TSC1: variants seen among roughly 807,000 people sequenced by gnomAD.
TSC1 encodes the protein hamartin.
Under a neutral mutation model 124.3 loss-of-function variants are expected in TSC1, and 20 were observed. The ratio of observed to expected loss-of-function variants is 0.16; its 90% CI spans 0.11 to 0.23. The LOEUF (loss-of-function observed/expected upper bound fraction) is 0.23. TSC1 is among the 10% of genes least tolerant of loss of function. The probability of loss-of-function intolerance (pLI) is 1.00; values close to 1 mark genes in which losing one functional copy is unlikely to be tolerated. For missense variants in TSC1, 1,124 were observed against 1,448.5 expected (o/e 0.78, Z 3.64); for synonymous variants, 493 against 539.1 (o/e 0.91, Z 1.19).
chr9:132,939,730 T>C (rs1847641108), intron 1 of TSC1, among the ~76,000 whole-genome samples: 1 of 152,220 alleles, frequency 6.6e-6, no homozygotes, highest in Non-Finnish European at 1.5e-5. Flanking sequence ...GAGATATCTT[T>C]AGGTTTCAGG....
At position 132,912,349 on chromosome 9, in the gene TSC1, TGAG is replaced by T; in HGVS notation, c.843_845del (p.Ser282del). The T allele has an allele frequency of 6.2e-7, 1 of 1,614,164 alleles. No homozygotes were observed. Among genetic ancestry groups the T allele is most frequent in the Non-Finnish European group, 8.5e-7 (1 of 1,180,026 alleles). On this transcript the variant is annotated inframe_deletion, in exon 9 of 23. Transcript: ENST00000298552. ...CGGCTGAACGATGAGGAAAGCGGGC[TGAG>T]ATTTGGTGAGACACAGAATAGCCAT...
In TSC1 at chr9:132,895,953, GA is replaced by G. The variant is rs1564468891; in HGVS notation, c.*281del. The G allele has an allele frequency of 7.9e-6, 4 of 505,142 alleles. No individual in the cohort carries two copies. The highest frequency in any genetic ancestry group is 1.4e-5 in the Non-Finnish European group (4 of 277,590). 31.3% of individuals were successfully genotyped at this position (505,142 alleles called of 1,614,324 possible). The stretch of plus-strand genomic sequence containing the variant: ...CGCAACCATTTGGGGGGGAAAGGAA[GA>G]AAGTAAAGCTACTGAGGAACACCAA... On this transcript the variant is annotated 3_prime_UTR_variant, in exon 23 of 23. Transcript: ENST00000298552.
rs2131761582 is a variant in TSC1 at position 132,903,701 on chromosome 9, G to A, written c.2158C>T (p.Leu720Phe). The A allele has an allele frequency of 6.2e-7, 1 of 1,613,012 alleles. No homozygotes were observed. Among genetic ancestry groups the A allele is most frequent in the Non-Finnish European group, 8.5e-7 (1 of 1,180,026 alleles). The change falls in exon 17 of 23, where the codon CTC becomes TTC. Residue 720 changes from leucine (L) to phenylalanine (F), a missense_variant. Leu to Phe is a conservative substitution (Grantham distance 22, BLOSUM62 0). This residue lies in a region of TSC1 where 321 missense variants were observed against 397.4 expected (regional missense o/e 0.81). Transcript: ENST00000298552. This position sits in a 1 kb window ranked among gnomAD's most constrained non-coding sequence, Gnocchi z 5.9. ...QQHALRNRRL[L>F]RKVIKAAALE... Reference sequence around the variant, plus strand: ...GCTGCTGCTTTGATCACCTTGCGGAGGAGCCGCCTGTTCCGGAGGGCATGC... The same window carrying A: ...GCTGCTGCTTTGATCACCTTGCGGAAGAGCCGCCTGTTCCGGAGGGCATGC...
At chr9:132,910,301 CAAAA>C (rs10712193) in intron 12 of TSC1, 4,207 of 468,256 alleles carry the variant, frequency 9.0e-3, no homozygotes, top group South Asian at 0.012. Context: ...ACCCTGTCTC[CAAAA>C]AAAAAAAAAA....
chr9:132,906,383 A>G lies in TSC1; in HGVS notation c.1439-244T>C. ...CAACATAGGGAGATCCCATCTCTAC[A>G]AAAAATACAATAAAAATCAGCTGAG... On this transcript the variant is annotated intron_variant, in intron 14 of 22. Transcript: ENST00000298552. The surrounding 1 kb of genome is among the most constrained non-coding windows in gnomAD (Gnocchi z 4.1). The G allele has an allele frequency of 1.7e-6, 1 of 571,490 alleles. No individual in the cohort carries two copies. Among genetic ancestry groups the G allele is most frequent in the Non-Finnish European group, 3.1e-6 (1 of 321,458 alleles). 35.4% of individuals were successfully genotyped at this position (571,490 alleles called of 1,614,324 possible).
chr9:132,901,773 C>G, intron 18 of TSC1, 74 bp from the exon 19 acceptor site: 1 of 1,348,736 alleles, frequency 7.4e-7, no homozygotes, highest in Non-Finnish European at 1.1e-6. Context: ...TAGCCACCAG[C>G]CCACAGAGGA....
In TSC1 at chr9:132,910,602, A is replaced by G. The variant is rs140410001; in HGVS notation, c.1232T>C (p.Leu411Pro). The change falls in exon 12 of 23, where the codon CTC becomes CCC. Residue 411 changes from leucine (L) to proline (P), a missense_variant. Transcript: ENST00000298552. Reference protein sequence around the residue: ...CHSDDYVHISLPQATVTPPRK... With the variant: ...CHSDDYVHISPPQATVTPPRK... ...GGGGGGTGTGACTGTGGCCTGGGGGAGTGAAATGTGCACGTAGTCATCCGA... is the reference window on the plus strand; with the variant it reads ...GGGGGGTGTGACTGTGGCCTGGGGGGGTGAAATGTGCACGTAGTCATCCGA... 6.2e-7 allele frequency: 1 copy of G among 1,613,894 alleles called. No individual in the cohort carries two copies. Among genetic ancestry groups the G allele is most frequent in the African/African-American group, 1.3e-5 (1 of 74,956 alleles).
At chr9:132,935,626 A>G (rs1847419938) in intron 1 of TSC1, among the ~76,000 whole-genome samples, 2 of 152,232 alleles carry the variant, frequency 1.3e-5, no homozygotes, top group Non-Finnish European at 2.9e-5. Context: ...CAGGACAGTG[A>G]GAGGCACAAA....
chr9:132,913,752 G>C (rs2132026835), intron 8 of TSC1, among the ~76,000 whole-genome samples: 1 of 149,620 alleles, frequency 6.7e-6, no homozygotes, highest in South Asian at 2.1e-4. Flanking sequence ...CGTGAACCCA[G>C]GAGGCGGAAT....
intron 1 of TSC1, among the ~76,000 whole-genome samples, chr9:132,939,868 C>A (rs1438964330): frequency 6.6e-6 from 1 of 152,158 alleles, no homozygotes; most frequent in Non-Finnish European, 1.5e-5. Flanking sequence ...AATGTAAATT[C>A]TCAGGCCTTT....
At chr9:132,924,731 T>C (rs1846757445) in intron 5 of TSC1, 1 of 152,238 alleles carries the variant, frequency 6.6e-6, no homozygotes, top group South Asian at 2.1e-4. Flanking sequence ...TAAAAAACAT[T>C]AAGTTGTTAA....
At position 132,896,813 on chromosome 9, in the gene TSC1, G is replaced by A. The variant is rs1845095972; in HGVS notation, c.2976-59C>T. The A allele has an allele frequency of 1.2e-6, 2 of 1,606,506 alleles. No individual in the cohort carries two copies. The highest frequency in any genetic ancestry group is 2.2e-5 in the South Asian group (2 of 90,630). ...GTGATTGGACTGTCCACATTCGGAGGATGTGGAATTACACTGACACTCACT... is the reference window on the plus strand; with the variant it reads ...GTGATTGGACTGTCCACATTCGGAGAATGTGGAATTACACTGACACTCACT... On this transcript the variant is annotated intron_variant, in intron 22 of 22. Transcript: ENST00000298552. This position sits in a 1 kb window ranked among gnomAD's most constrained non-coding sequence, Gnocchi z 4.5.
At position 132,911,427 on chromosome 9, in the gene TSC1, A is replaced by G. The variant is rs774340136; in HGVS notation, c.1029+26T>C. ...AGCTTCACCAGAAAGCAGAGGAGAG[A>G]GCAGGCACACTAGTTGACACCATAC... On this transcript the variant is annotated intron_variant, in intron 10 of 22. Transcript: ENST00000298552. 32 of 1,537,778 alleles carry G rather than the reference A, an allele frequency of 2.1e-5. No homozygotes were observed. The South Asian group carries it at 3.2e-4, about 16-fold the overall frequency.
chr9:132,937,305 T>C (rs1161093819), intron 1 of TSC1, among the ~76,000 whole-genome samples: 1 of 152,136 alleles, frequency 6.6e-6, no homozygotes, highest in East Asian at 1.9e-4. Flanking sequence ...TAGCCAGGCG[T>C]GGTGGCACAT....
rs397514813 is a variant in TSC1 at position 132,906,164 on chromosome 9, G to C, written c.1439-25C>G. On this transcript the variant is annotated intron_variant, in intron 14 of 22. Transcript: ENST00000298552. This position sits in a 1 kb window ranked among gnomAD's most constrained non-coding sequence, Gnocchi z 4.1. ...GCTGAGAGGAAGAGAGGAAACAAAAGAAATGGCAGTCGGTATTCCACCTGG... is the reference window on the plus strand; with the variant it reads ...GCTGAGAGGAAGAGAGGAAACAAAACAAATGGCAGTCGGTATTCCACCTGG... 6.2e-7 allele frequency: 1 copy of C among 1,607,838 alleles called. No individual in the cohort carries two copies. The highest frequency in any genetic ancestry group is 1.7e-5 in the Admixed American group (1 of 59,430).
chr9:132,939,760 A>C (rs1460139389), intron 1 of TSC1, among the ~76,000 whole-genome samples: 1 of 152,244 alleles, frequency 6.6e-6, no homozygotes, highest in Non-Finnish European at 1.5e-5. Flanking sequence ...CCAAAATAGA[A>C]GTATTCTAGG....
intron 2 of TSC1, among the ~76,000 whole-genome samples, chr9:132,933,316 T>C (rs1380986348): frequency 6.6e-6 from 1 of 152,198 alleles, no homozygotes; most frequent in African/African-American, 2.4e-5. Flanking sequence ...TCCTCCCACC[T>C]TGGCCTCCCA....
Position 132,897,216 on chromosome 9 carries a change from T to C in TSC1, c.2943A>G (p.Glu981=). The change falls in exon 22 of 23, where the codon GAA becomes GAG. Residue 981 remains glutamate, a synonymous_variant. Coordinates refer to ENST00000298552, the MANE Select transcript of TSC1 (RefSeq NM_000368.5). ...KDGLLKKLEE[E]KAEAAEAAEE... ...CTGCTGCTTCAGCTGCTTCTGCTTT[T>C]TCTTCTTCAAGTTTTTTCAGGAGGC... The C allele has an allele frequency of 6.2e-7, 1 of 1,614,230 alleles. No homozygotes were observed. The highest frequency in any genetic ancestry group is 8.5e-7 in the Non-Finnish European group (1 of 1,180,048).
rs932584429 is a variant in TSC1, at chr9:132,921,228, T to A, written c.737+135A>T. 1.1e-6 allele frequency: 1 copy of A among 898,966 alleles called. No individual in the cohort carries two copies. The highest frequency in any genetic ancestry group is 1.8e-6 in the Non-Finnish European group (1 of 558,672). 55.7% of individuals were successfully genotyped at this position (898,966 alleles called of 1,614,324 possible). On this transcript the variant is annotated intron_variant, in intron 8 of 22. Transcript: ENST00000298552. The surrounding 1 kb of genome is among the most constrained non-coding windows in gnomAD (Gnocchi z 4.3). The stretch of plus-strand genomic sequence containing the variant: ...TAAACTCACACAAATTTTAGCTGTA[T>A]GAGTGCTTCCAAGTGGACTGATTCT...
Sources: gnomAD v4.1 joint callset for allele counts (sites outside exome capture counted in the v4.1 genomes callset) on GRCh38, gnomAD v4.1.1 for gene constraint, gnomAD v4.1.1 regional missense constraint, Gnocchi (gnomAD v3.1) non-coding constraint, MANE v1.5 for transcripts, NCBI Gene and HGNC (gene_info 2026-07-23, HGNC 2026-07-21) for gene names.